The following MSANTD3 variants were observed in gnomAD, a reference collection of about 807,000 sequenced individuals.
MSANTD3 encodes the protein Myb/SANT DNA binding domain containing 3, also known as myb/SANT-like DNA-binding domain-containing protein 3.
In MSANTD3, 11 loss-of-function variants were observed where a neutral mutation model predicts 27.7. That is an observed-to-expected ratio of 0.40 (90% CI 0.25 to 0.66). MSANTD3 has a LOEUF of 0.66. Among genes scored for constraint, MSANTD3 ranks in the 30% least tolerant of loss-of-function variants. The pLI is 0.41. For synonymous variants in MSANTD3, 131 were observed against 127.2 expected, an observed-to-expected ratio of 1.03 and a Z score of -0.20; for missense variants, 250 against 336.5, an observed-to-expected ratio of 0.74 and a Z score of 2.01.
chr9:100,447,527 A>T (rs904697528), intron 2 of MSANTD3, among the ~76,000 whole-genome samples: 1 of 152,210 alleles, frequency 6.6e-6, no homozygotes, highest in African/African-American at 2.4e-5. Flanking sequence ...ACACGCCCAT[A>T]TTCTTAATAA....
In MSANTD3 at chr9:100,451,235, C is replaced by T. The variant is rs890631870; in HGVS notation, c.*269C>T. 9 of 336,446 alleles carry T rather than the reference C, an allele frequency of 2.7e-5. No individual in the cohort carries two copies. Among genetic ancestry groups the T allele is most frequent in the Non-Finnish European group, 3.2e-5 (6 of 186,206 alleles). The allele number at this position is 336,446 out of a possible 1,614,324, so 20.8% of individuals were successfully genotyped here. A position where few individuals can be genotyped will look rare whatever the true frequency, so the allele number is the denominator to read the frequency against. ...TTAATTAGAATTCATACAAGAACCA[C>T]GTGTGAGTGTTGTTGTTGTTGTTTT... On this transcript the variant is annotated 3_prime_UTR_variant, in exon 3 of 3. Transcript: ENST00000395067.
intron 2 of MSANTD3, among the ~76,000 whole-genome samples, chr9:100,446,914 C>A (rs572063260): frequency 6.6e-6 from 1 of 152,126 alleles, no homozygotes; most frequent in African/African-American, 2.4e-5. Context: ...TAGCATGCAT[C>A]CACACATCTT....
Position 100,450,462 on chromosome 9 carries a change from G to A in MSANTD3, c.419-95G>A, listed in dbSNP as rs12001823. On this transcript the variant is annotated intron_variant, in intron 2 of 2. Transcript: ENST00000395067. ...GCAGACATGATTTTAGATACATCCT[G>A]TAATGAAGGACCCTGTCATTTGAAA... The A allele has an allele frequency of 3.7e-3, 4,334 of 1,163,090 alleles. 99 individuals are homozygous for A. In the African/African-American group the frequency reaches 0.059, roughly 16 times the overall value. 72.0% of individuals were successfully genotyped at this position (1,163,090 alleles called of 1,614,324 possible). A position where few individuals can be genotyped will look rare whatever the true frequency, so the allele number is the denominator to read the frequency against.
intron 2 of MSANTD3, chr9:100,445,288 A>G (rs1348718592): frequency 3.8e-6 from 4 of 1,065,802 alleles, no homozygotes; most frequent in Middle Eastern, 4.0e-4. Flanking sequence ...TGTGTATTTG[A>G]CATAAGGAAT....
In MSANTD3 at chr9:100,442,309, G is replaced by C. The variant is rs762964870; in HGVS notation, c.371G>C (p.Ser124Thr). ...MLPEQLYFLQ[S>T]PPEEEPEYHP... ...CCGGAGCAGCTCTACTTCCTGCAGA[G>C]CCCCCCGGAGGAGGAGCCCGAATAC... The change falls in exon 2 of 3, where the codon AGC becomes ACC. Residue 124 changes from serine to threonine, a missense_variant. Physicochemically the swap from Ser to Thr is moderately conservative, Grantham distance 58 (BLOSUM62 1). Coordinates refer to ENST00000395067, the MANE Select transcript of MSANTD3 (RefSeq NM_080655.3). 8 of 1,613,822 alleles carry C rather than the reference G, an allele frequency of 5.0e-6. No homozygotes were observed. Among genetic ancestry groups the C allele is most frequent in the South Asian group, 3.3e-5 (3 of 91,074 alleles).
At chr9:100,431,169 A>T (rs906743887) in intron 1 of MSANTD3, among the ~76,000 whole-genome samples, 1 of 151,570 alleles carries the variant, frequency 6.6e-6, no homozygotes, top group Admixed American at 6.6e-5. Context: ...TACCTGGCTA[A>T]TTTTGTATTT....
intron 1 of MSANTD3, among the ~76,000 whole-genome samples, chr9:100,427,908 G>T (rs529906096): frequency 2.6e-5 from 4 of 152,164 alleles, no homozygotes; most frequent in African/African-American, 9.6e-5. Flanking sequence ...CCTTTACTCC[G>T]AGCCGGGGCT....
chr9:100,435,968 A>C (rs78465070), intron 1 of MSANTD3, among the ~76,000 whole-genome samples: 217 of 152,328 alleles, frequency 1.4e-3, no homozygotes, highest in Middle Eastern at 6.8e-3. Flanking sequence ...CTGGTGGTTT[A>C]GTCAATGTTA....
chr9:100,434,998 C>A (rs1836450651), intron 1 of MSANTD3, among the ~76,000 whole-genome samples: 1 of 152,142 alleles, frequency 6.6e-6, no homozygotes, highest in Non-Finnish European at 1.5e-5. Context: ...CACGTGCGCA[C>A]ACACACAGTA....
At chr9:100,448,729 C>G in intron 2 of MSANTD3, 1 of 985,314 alleles carries the variant, frequency 1.0e-6, no homozygotes, top group Non-Finnish European at 1.2e-6. Context: ...CAGAGGTAGG[C>G]CCAGGAGGCA....
At chr9:100,441,772 C>A in intron 1 of MSANTD3, 134 bp from the exon 2 acceptor site, 1 of 1,042,870 alleles carries the variant, frequency 9.6e-7, no homozygotes, top group Non-Finnish European at 1.3e-6. Flanking sequence ...TCCTGAATAT[C>A]ATAATTCAAC....
chr9:100,427,950 G>A (rs1239897146), intron 1 of MSANTD3, among the ~76,000 whole-genome samples: 1 of 152,096 alleles, frequency 6.6e-6, no homozygotes, highest in Non-Finnish European at 1.5e-5. Context: ...CGGGGGTCGG[G>A]GGGGCGTGGT....
chr9:100,447,112 C>A (rs930321695), intron 2 of MSANTD3, among the ~76,000 whole-genome samples: 2 of 152,050 alleles, frequency 1.3e-5, no homozygotes, highest in African/African-American at 4.8e-5. Context: ...ATTTCCTACC[C>A]TTTTTGCATA....
At chr9:100,430,324 CAAAA>C (rs35854801) in intron 1 of MSANTD3, among the ~76,000 whole-genome samples, 14 of 96,004 alleles carry the variant, frequency 1.5e-4, no homozygotes, top group Admixed American at 2.4e-4. Flanking sequence ...GACTCTGTGT[CAAAA>C]AAAAAAAAAA....
chr9:100,430,688 G>T (rs1256288841), intron 1 of MSANTD3, among the ~76,000 whole-genome samples: 2 of 152,202 alleles, frequency 1.3e-5, no homozygotes, highest in Non-Finnish European at 2.9e-5. Context: ...GTGAGAATGG[G>T]AGAGGAGGGA....
At position 100,441,916 on chromosome 9, in the gene MSANTD3, G is replaced by T; in HGVS notation, c.-23G>T. On this transcript the variant is annotated 5_prime_UTR_variant, in exon 2 of 3. Transcript: ENST00000395067. Reference sequence around the variant, plus strand: ...AACTTCCTTTTACAGGATAGCTAGCGGCCAGGAGAAATACAGTGGAAAATG... The same window carrying T: ...AACTTCCTTTTACAGGATAGCTAGCTGCCAGGAGAAATACAGTGGAAAATG... 6.4e-7 allele frequency: 1 copy of T among 1,574,384 alleles called. No individual in the cohort carries two copies. The highest frequency in any genetic ancestry group is 8.6e-7 in the Non-Finnish European group (1 of 1,159,048).
intron 1 of MSANTD3, among the ~76,000 whole-genome samples, chr9:100,436,638 A>C (rs1429861615): frequency 6.6e-6 from 1 of 152,176 alleles, no homozygotes; most frequent in Non-Finnish European, 1.5e-5. Flanking sequence ...AATAGTTTTA[A>C]ACAAGAGTAT....
intron 1 of MSANTD3, among the ~76,000 whole-genome samples, chr9:100,427,766 C>T (rs925000906): frequency 6.6e-6 from 1 of 152,142 alleles, no homozygotes; most frequent in African/African-American, 2.4e-5. Flanking sequence ...TCACTGTGCT[C>T]GGCGCTTTTC....
chr9:100,451,343 A>G lies in MSANTD3; in HGVS notation c.*377A>G, dbSNP rs567326296. 36 of 166,848 alleles carry G rather than the reference A, an allele frequency of 2.2e-4. No homozygotes were observed. The highest frequency in any genetic ancestry group is 4.1e-4 in the Non-Finnish European group (32 of 78,116). 10.3% of individuals were successfully genotyped at this position (166,848 alleles called of 1,614,324 possible). ...TCTTTTTTCTTTTTAAACAGACAGCAGAACTTTTCTATCCAAATGAATGCC... is the reference window on the plus strand; with the variant it reads ...TCTTTTTTCTTTTTAAACAGACAGCGGAACTTTTCTATCCAAATGAATGCC... On this transcript the variant is annotated 3_prime_UTR_variant, in exon 3 of 3. Coordinates refer to ENST00000395067, the MANE Select transcript of MSANTD3 (RefSeq NM_080655.3).
Sources: gnomAD v4.1 joint callset for allele counts (sites outside exome capture counted in the v4.1 genomes callset) on GRCh38, gnomAD v4.1.1 for gene constraint, MANE v1.5 for transcripts, NCBI Gene and HGNC (gene_info 2026-07-23, HGNC 2026-07-21) for gene names.